Variants in ANKS1B observed in about 807,000 individuals in gnomAD.
ANKS1B encodes ankyrin repeat and sterile alpha motif domain-containing protein 1B.
A neutral mutation model predicts 148.3 loss-of-function variants in ANKS1B; 36 were observed. The ratio of observed to expected loss-of-function variants is 0.24; its 90% CI spans 0.19 to 0.32. The LOEUF (loss-of-function observed/expected upper bound fraction) is 0.32. Ranked by LOEUF, ANKS1B falls within the 10% of genes least tolerant of loss-of-function variation. The probability of loss-of-function intolerance (pLI) is 1.00; values close to 1 mark genes in which losing one functional copy is unlikely to be tolerated. For synonymous variants in ANKS1B, 542 were observed against 560.8 expected, an observed-to-expected ratio of 0.97 and a Z score of 0.47; for missense variants, 1,157 against 1,542.6, an observed-to-expected ratio of 0.75 and a Z score of 4.19.
chr12:98,745,917 C>A, intron 26 of ANKS1B, 68 bp from the exon 27 acceptor site: 1 of 1,531,514 alleles, frequency 6.5e-7, no homozygotes, highest in Non-Finnish European at 8.8e-7. Flanking sequence ...ACGCGGACGC[C>A]GCTGGCGAAC....
chr12:99,557,103 T>C (rs2153187159), intron 9 of ANKS1B, among the ~76,000 whole-genome samples: 1 of 152,270 alleles, frequency 6.6e-6, no homozygotes. Flanking sequence ...CCTTTAACAT[T>C]TTTTCTTTTA....
At chr12:99,202,156 C>T (rs771354769) in intron 14 of ANKS1B, among the ~76,000 whole-genome samples, 4 of 152,322 alleles carry the variant, frequency 2.6e-5, no homozygotes, top group East Asian at 3.9e-4. Context: ...TGTTAAGCTT[C>T]GGCTTTCTCT....
intron 8 of ANKS1B, among the ~76,000 whole-genome samples, chr12:99,717,870 C>T (rs1054633486): frequency 6.6e-6 from 1 of 151,764 alleles, no homozygotes; most frequent in East Asian, 1.9e-4. Flanking sequence ...TTAAAACTCC[C>T]CAACTCTGGT....
At chr12:99,232,219 A>G (rs1351926770) in intron 14 of ANKS1B, among the ~76,000 whole-genome samples, 1 of 152,350 alleles carries the variant, frequency 6.6e-6, no homozygotes, top group East Asian at 1.9e-4. Flanking sequence ...TAATTTTAAT[A>G]GCTTTCATTT....
chr12:99,626,138 A>G (rs2098110963), intron 9 of ANKS1B, among the ~76,000 whole-genome samples: 3 of 152,176 alleles, frequency 2.0e-5, no homozygotes, highest in Admixed American at 1.3e-4. Context: ...CCTGAGAAAA[A>G]CAGGTTACAT....
intron 25 of ANKS1B, among the ~76,000 whole-genome samples, chr12:98,772,774 G>C (rs1039806440): frequency 6.6e-6 from 1 of 152,166 alleles, no homozygotes; most frequent in Admixed American, 6.5e-5. Context: ...AAGGCAGGGA[G>C]AGAGGCCTCA....
intron 1 of ANKS1B, among the ~76,000 whole-genome samples, chr12:99,836,372 T>C (rs962668156): frequency 6.6e-6 from 1 of 152,086 alleles, no homozygotes; most frequent in Admixed American, 6.6e-5. Flanking sequence ...TATCCTAGAC[T>C]GTAATGCACA....
chr12:99,134,651 A>T (rs1027401989), intron 15 of ANKS1B, among the ~76,000 whole-genome samples: 4,103 of 33,326 alleles, frequency 0.12, 132 homozygotes, highest in African/African-American at 0.33. Context: ...TCTCTCACAC[A>T]CACACACACA....
intron 14 of ANKS1B, among the ~76,000 whole-genome samples, chr12:99,186,891 A>G (rs2153872204): frequency 6.6e-6 from 1 of 152,132 alleles, no homozygotes; most frequent in South Asian, 2.1e-4. Flanking sequence ...GAATTGACAG[A>G]AGTAGGCTTC....
At chr12:99,551,666 G>A (rs1034673130) in intron 9 of ANKS1B, among the ~76,000 whole-genome samples, 3 of 151,978 alleles carry the variant, frequency 2.0e-5, no homozygotes, top group Non-Finnish European at 4.4e-5. Flanking sequence ...GTCTTAGAGT[G>A]GCAGAGAAAC....
intron 17 of ANKS1B, among the ~76,000 whole-genome samples, chr12:98,877,246 G>C (rs1202675796): frequency 1.3e-5 from 2 of 152,210 alleles, no homozygotes; most frequent in African/African-American, 4.8e-5. Flanking sequence ...TGGAAATTCT[G>C]TCTAAGAAGG....
At chr12:99,801,451 C>A (rs991959134) in intron 4 of ANKS1B, among the ~76,000 whole-genome samples, 2 of 152,134 alleles carry the variant, frequency 1.3e-5, no homozygotes, top group African/African-American at 2.4e-5. Context: ...AGAGGAGAAG[C>A]AGGAATTGAC....
intron 8 of ANKS1B, among the ~76,000 whole-genome samples, chr12:99,661,410 G>A (rs1375238753): frequency 6.6e-6 from 1 of 152,146 alleles, no homozygotes; most frequent in Non-Finnish European, 1.5e-5. Context: ...GAGTTGGTCT[G>A]GCAATATTTT....
chr12:99,341,905 C>A (rs1319417134), intron 12 of ANKS1B, among the ~76,000 whole-genome samples: 1 of 152,114 alleles, frequency 6.6e-6, no homozygotes, highest in Non-Finnish European at 1.5e-5. Flanking sequence ...ATAATTACTT[C>A]ATTACATGAC....
At chr12:99,102,147 T>G (rs993882691) in intron 15 of ANKS1B, among the ~76,000 whole-genome samples, 3 of 151,998 alleles carry the variant, frequency 2.0e-5, no homozygotes, top group African/African-American at 4.8e-5. Context: ...GTTTCATGAA[T>G]AAGGATATGA....
chr12:99,453,755 A>G (rs1467397936), intron 10 of ANKS1B, among the ~76,000 whole-genome samples: 5 of 152,272 alleles, frequency 3.3e-5, no homozygotes, highest in Non-Finnish European at 7.3e-5. Context: ...TAACATGGCC[A>G]ACATGTTTGT....
intron 14 of ANKS1B, among the ~76,000 whole-genome samples, chr12:99,190,045 AATAG>A (rs1468567014): frequency 1.3e-5 from 2 of 152,184 alleles, no homozygotes; most frequent in Non-Finnish European, 2.9e-5. Context: ...ATACATCAAT[AATAG>A]ACAAACAGAG....
Position 99,322,209 on chromosome 12 carries a change from A to G in ANKS1B, c.1757-75345T>C, listed in dbSNP as rs1279274545. On this transcript the variant is annotated intron_variant, in intron 12 of 26. Transcript: ENST00000683438. ...ATGAGACTATGTCCTTAGCAGGGAC[A>G]TGGATGAAGCTGGAAGCCATCATCC... Among the ~76,000 whole-genome samples the G allele has an allele frequency of 2.6e-5, 4 of 152,328 alleles. No individual in the cohort carries two copies. The East Asian group carries it at 7.7e-4, about 29-fold the overall frequency.
chr12:99,265,480 G>A (rs890361854), intron 12 of ANKS1B, among the ~76,000 whole-genome samples: 2 of 152,138 alleles, frequency 1.3e-5, no homozygotes, highest in African/African-American at 4.8e-5. Context: ...CTCTGTTTTA[G>A]CAGATCCTCC....
Sources: gnomAD v4.1 joint callset for allele counts (sites outside exome capture counted in the v4.1 genomes callset) on GRCh38, gnomAD v4.1.1 for gene constraint, MANE v1.5 for transcripts, NCBI Gene and HGNC (gene_info 2026-07-23, HGNC 2026-07-21) for gene names.